Variants in WASHC4 observed in about 807,000 individuals in gnomAD.
WASHC4 encodes WASH complex subunit 4.
WASHC4 carries 86 observed loss-of-function variants against 166.6 expected under a neutral mutation model. That is an observed-to-expected ratio of 0.52 (90% CI 0.43 to 0.62). The LOEUF (loss-of-function observed/expected upper bound fraction) is 0.62, where lower values mean the gene tolerates loss of function less well. WASHC4 is among the 20% of genes least tolerant of loss of function. WASHC4 has a pLI of 0.00. For missense variants in WASHC4, 1,262 were observed against 1,382.4 expected, an observed-to-expected ratio of 0.91 and a Z score of 1.38; for synonymous variants, 446 against 451.6, an observed-to-expected ratio of 0.99 and a Z score of 0.16.
chr12:105,147,584 AC>A (rs1883406871), intron 24 of WASHC4: 1 of 1,011,008 alleles, frequency 9.9e-7, no homozygotes, highest in African/African-American at 1.7e-5. Context: ...ATAGGAACTT[AC>A]TAAAAATATA....
chr12:105,152,539 C>T (rs1463162108), intron 26 of WASHC4, 88 bp downstream of exon 26: 2 of 820,138 alleles, frequency 2.4e-6, no homozygotes, highest in Non-Finnish European at 4.2e-6. Flanking sequence ...ATAAGCAGCT[C>T]ATGTGAAAGC....
chr12:105,156,547 T>G, intron 26 of WASHC4, 179 bp from the exon 27 acceptor site: 1 of 452,314 alleles, frequency 2.2e-6, no homozygotes, highest in Non-Finnish European at 3.9e-6. Context: ...TGTTTATATT[T>G]TAAGTGTAGA....
At chr12:105,153,632 T>G (rs1207193865) in intron 26 of WASHC4, among the ~76,000 whole-genome samples, 1 of 152,196 alleles carries the variant, frequency 6.6e-6, no homozygotes, top group Non-Finnish European at 1.5e-5. Context: ...CTATATGACA[T>G]ACGTACACAA....
rs1356705625 is a variant in WASHC4 at position 105,168,011 on chromosome 12, AAAAAT to A, written c.*1089_*1093del. Reference sequence around the variant, plus strand: ...ATTAAATGGTTAATCATGGCCTTTTAAAAATAAAATAAAGTGATACCTTTACAATG... The same window carrying A: ...ATTAAATGGTTAATCATGGCCTTTTAAAAATAAAGTGATACCTTTACAATG... On this transcript the variant is annotated 3_prime_UTR_variant, in exon 33 of 33. Transcript: ENST00000332180. 108 of 152,354 alleles carry A rather than the reference AAAAAT, an allele frequency of 7.1e-4. No individual in the cohort carries two copies. Among genetic ancestry groups the A allele is most frequent in the Middle Eastern group, 3.4e-3 (1 of 294 alleles). The allele number at this position is 152,354 out of a possible 1,614,324, so 9.4% of individuals were successfully genotyped here.
Position 105,134,021 on chromosome 12 carries a change from G to C in WASHC4, c.1326+125G>C. 3.6e-6 allele frequency: 3 copies of C among 841,588 alleles called. No individual in the cohort carries two copies. In the South Asian group the frequency reaches 4.6e-5, roughly 13 times the overall value. The allele number at this position is 841,588 out of a possible 1,614,324, so 52.1% of individuals were successfully genotyped here. Reference sequence around the variant, plus strand: ...TATTAAAGCAAGTTGATTTGGTTATGTTGGGATCTGTGTGACTTATTAATT... The same window carrying C: ...TATTAAAGCAAGTTGATTTGGTTATCTTGGGATCTGTGTGACTTATTAATT... On this transcript the variant is annotated intron_variant, in intron 14 of 32. Transcript: ENST00000332180.
intron 16 of WASHC4, 121 bp from the exon 17 acceptor site, chr12:105,140,778 G>A: frequency 3.1e-6 from 3 of 980,388 alleles, no homozygotes; most frequent in Non-Finnish European, 4.7e-6. Context: ...AAGCTTAAAT[G>A]GGGAAAGTAT....
At chr12:105,127,401 ATAAG>A (rs1418783578) in intron 13 of WASHC4, 112 bp downstream of exon 13, 2 of 863,840 alleles carry the variant, frequency 2.3e-6, no homozygotes, top group East Asian at 2.7e-5. Context: ...AATGTACTTG[ATAAG>A]TAAGGGTCAG....
intron 1 of WASHC4, among the ~76,000 whole-genome samples, chr12:105,108,922 C>G (rs114356921): frequency 2.2e-3 from 337 of 152,198 alleles, no homozygotes; most frequent in African/African-American, 7.8e-3. Flanking sequence ...CAAAACATTC[C>G]TGAGGTCAGG....
chr12:105,115,378 A>C (rs1880083033), intron 5 of WASHC4, 149 bp downstream of exon 5: 1 of 705,008 alleles, frequency 1.4e-6, no homozygotes, highest in Non-Finnish European at 2.5e-6. Flanking sequence ...AAACAGGTAA[A>C]AAAGCTGAGG....
At chr12:105,157,352 G>A in intron 28 of WASHC4, 30 bp downstream of exon 28, 1 of 1,284,038 alleles carries the variant, frequency 7.8e-7, no homozygotes, top group Non-Finnish European at 1.1e-6. Context: ...ATAAAAAAGT[G>A]TGTTTATAAA....
Position 105,162,829 on chromosome 12 carries a change from T to C in WASHC4, c.3141T>C (p.Asp1047=). The C allele has an allele frequency of 6.3e-7, 1 of 1,586,444 alleles. No homozygotes were observed. Among genetic ancestry groups the C allele is most frequent in the Non-Finnish European group, 8.6e-7 (1 of 1,157,788 alleles). The change falls in exon 30 of 33, where the codon GAT becomes GAC. Residue 1047 remains aspartate (D), a synonymous_variant. Transcript: ENST00000332180. ...KKNKIGAAFT[D]DGFAMGVAYI... Reference sequence around the variant, plus strand: ...ATAAAATTGGAGCTGCCTTTACTGATGATGGCTTTGCCATGGGTAAGCTTA... The same window carrying C: ...ATAAAATTGGAGCTGCCTTTACTGACGATGGCTTTGCCATGGGTAAGCTTA...
Position 105,111,275 on chromosome 12 carries a change from A to C in WASHC4, c.201+11A>C, listed in dbSNP as rs1565989822. 1 of 1,571,406 alleles carries C rather than the reference A, an allele frequency of 6.4e-7. No homozygotes were observed. Among genetic ancestry groups the C allele is most frequent in the Non-Finnish European group, 8.7e-7 (1 of 1,145,960 alleles). The stretch of plus-strand genomic sequence containing the variant: ...CCTATAGCATTAAAGGTTTGATTTG[A>C]TTTTTTAAAAATATATGTATATATT... On this transcript the variant is annotated intron_variant, in intron 2 of 32. Coordinates refer to ENST00000332180, the MANE Select transcript of WASHC4 (RefSeq NM_015275.3).
intron 6 of WASHC4, 135 bp from the exon 7 acceptor site, chr12:105,118,311 G>A: frequency 1.4e-6 from 1 of 720,478 alleles, no homozygotes; most frequent in East Asian, 2.7e-5. Context: ...GCTTGAACTT[G>A]TCTGGCTTTT....
At position 105,107,786 on chromosome 12, in the gene WASHC4, G is replaced by A. The variant is rs751714305; in HGVS notation, c.-15G>A. 6.5e-7 allele frequency: 1 copy of A among 1,548,488 alleles called. No individual in the cohort carries two copies. The highest frequency in any genetic ancestry group is 8.7e-7 in the Non-Finnish European group (1 of 1,144,472). On this transcript the variant is annotated 5_prime_UTR_variant, in exon 1 of 33. Coordinates refer to ENST00000332180, the MANE Select transcript of WASHC4 (RefSeq NM_015275.3). The stretch of plus-strand genomic sequence containing the variant: ...CGGGCTGGTTGGGGCTGTGTCTGTG[G>A]GAGGCGCCGGGGTGATGGCGGTGGA...
intron 10 of WASHC4, among the ~76,000 whole-genome samples, chr12:105,125,216 G>A (rs951795727): frequency 9.2e-5 from 14 of 151,986 alleles, no homozygotes; most frequent in African/African-American, 3.1e-4. Context: ...AAGTGTGCAC[G>A]GGTCCACTTA....
At position 105,156,804 on chromosome 12, in the gene WASHC4, A is replaced by G. The variant is rs1409546560; in HGVS notation, c.2825+12A>G. 2 of 1,606,556 alleles carry G rather than the reference A, an allele frequency of 1.2e-6. No individual in the cohort carries two copies. Among genetic ancestry groups the G allele is most frequent in the Admixed American group, 1.7e-5 (1 of 59,990 alleles). On this transcript the variant is annotated intron_variant, in intron 27 of 32. Transcript: ENST00000332180. ...AGCAATGCCATTAGGTATGGATGCA[A>G]ACATCATTTTTGCCTTGTTTATGCC... is the stretch of plus-strand genomic sequence containing the variant.
chr12:105,163,988 G>C (rs1272480049), intron 30 of WASHC4, 123 bp from the exon 31 acceptor site: 1 of 894,116 alleles, frequency 1.1e-6, no homozygotes, highest in African/African-American at 1.7e-5. Flanking sequence ...CTTGAAACGG[G>C]ACAAACTTAA....
At chr12:105,130,269 C>A (rs539408234) in intron 13 of WASHC4, among the ~76,000 whole-genome samples, 1 of 152,306 alleles carries the variant, frequency 6.6e-6, no homozygotes, top group East Asian at 1.9e-4. Flanking sequence ...AAACCAGTGC[C>A]AATCCTATTC....
At chr12:105,109,174 T>C (rs528015813) in intron 1 of WASHC4, among the ~76,000 whole-genome samples, 3 of 152,312 alleles carry the variant, frequency 2.0e-5, no homozygotes, top group South Asian at 2.1e-4. Flanking sequence ...AATGACAAAA[T>C]CTTTTAATTT....
Sources: gnomAD v4.1 joint callset for allele counts (sites outside exome capture counted in the v4.1 genomes callset) on GRCh38, gnomAD v4.1.1 for gene constraint, MANE v1.5 for transcripts, NCBI Gene and HGNC (gene_info 2026-07-23, HGNC 2026-07-21) for gene names.